Variants in SPTB observed in about 807,000 individuals in gnomAD.
The protein encoded by SPTB is spectrin beta chain, erythrocytic.
In SPTB, 45 loss-of-function variants were observed where a neutral mutation model predicts 256.2. The ratio of observed to expected loss-of-function variants is 0.18; its 90% CI spans 0.14 to 0.23. SPTB has a LOEUF of 0.23. Ranked by LOEUF, SPTB falls within the 10% of genes least tolerant of loss-of-function variation. The pLI is 1.00. For synonymous variants in SPTB, 1,231 were observed against 1,243.1 expected, an observed-to-expected ratio of 0.99 and a Z score of 0.21; for missense variants, 2,715 against 3,040.4, an observed-to-expected ratio of 0.89 and a Z score of 2.52.
chr14:64,782,656 G>C (rs2082492953), intron 19 of SPTB, 103 bp from the exon 20 acceptor site: 2 of 1,534,544 alleles, frequency 1.3e-6, no homozygotes, highest in South Asian at 2.3e-5. Flanking sequence ...AGGTCAGTAA[G>C]GCAAAGAATC....
intron 33 of SPTB, among the ~76,000 whole-genome samples, chr14:64,750,744 T>C (rs2081933476): frequency 6.6e-6 from 1 of 151,222 alleles, no homozygotes. Flanking sequence ...CCACTGCACT[T>C]CAGCCTGGGT....
chr14:64,803,536 T>A, intron 4 of SPTB, 71 bp downstream of exon 4: 1 of 1,591,902 alleles, frequency 6.3e-7, no homozygotes, highest in Non-Finnish European at 8.6e-7. Context: ...CTGTTCAGCA[T>A]TTTATAAGAT....
chr14:64,782,979 T>C (rs1005901521), intron 19 of SPTB, among the ~76,000 whole-genome samples: 1 of 151,468 alleles, frequency 6.6e-6, no homozygotes, highest in Non-Finnish European at 1.5e-5. Context: ...AGCATGGGAG[T>C]TGCAGACAAG....
At position 64,857,353 on chromosome 14, in the gene SPTB, C is replaced by T. The variant is rs561946319; in HGVS notation, c.-52+22439G>A. Among the ~76,000 whole-genome samples, 11 of 152,032 alleles carry T rather than the reference C, an allele frequency of 7.2e-5. No homozygotes were observed. The South Asian group carries it at 1.2e-3, about 17-fold the overall frequency. On this transcript the variant is annotated intron_variant, in intron 1 of 35. Coordinates refer to ENST00000644917, the MANE Select transcript of SPTB (RefSeq NM_001355436.2). The stretch of plus-strand genomic sequence containing the variant: ...ATCCTGACACTTTGGGAGGCCGAGG[C>T]GGGAATATCACTTGAGCCTAGGAGT...
rs1396513659 is a variant in SPTB at position 64,824,606 on chromosome 14, G to A, written c.-51-1461C>T. 6.6e-6 allele frequency among the ~76,000 whole-genome samples: 1 copy of A among 152,168 alleles called. No homozygotes were observed. Among genetic ancestry groups the A allele is most frequent in the Non-Finnish European group, 1.5e-5 (1 of 68,022 alleles). On this transcript the variant is annotated intron_variant, in intron 1 of 35. Transcript: ENST00000644917. The surrounding 1 kb of genome is among the most constrained non-coding windows in gnomAD (Gnocchi z 5.7). ...AAGCGGGAGGCAGGGAGGCTGTGAG[G>A]CAGACCTGTGATGGGGGTTGACAGC... is the stretch of plus-strand genomic sequence containing the variant.
At chr14:64,782,098 A>G (rs111680191) in intron 20 of SPTB, among the ~76,000 whole-genome samples, 192 bp downstream of exon 20, 4,124 of 152,300 alleles carry the variant, frequency 0.027, 202 homozygotes, top group African/African-American at 0.094. Context: ...AGCAGAAAAG[A>G]TAACTATTGG....
In SPTB at chr14:64,778,722, C is replaced by A. The variant is rs1458571745; in HGVS notation, c.4563+435G>T. Among the ~76,000 whole-genome samples, 1 of 152,184 alleles carries A rather than the reference C, an allele frequency of 6.6e-6. No individual in the cohort carries two copies. The highest frequency in any genetic ancestry group is 6.5e-5 in the Admixed American group (1 of 15,274). The stretch of plus-strand genomic sequence containing the variant: ...GTCGAGAGAAATGGGGCCTACTTAC[C>A]CCAAGGACACCACACATGCCAAGCT... On this transcript the variant is annotated intron_variant, in intron 22 of 35. Coordinates refer to ENST00000644917, the MANE Select transcript of SPTB (RefSeq NM_001355436.2). This position sits in a 1 kb window ranked among gnomAD's most constrained non-coding sequence, Gnocchi z 5.2.
intron 3 of SPTB, among the ~76,000 whole-genome samples, chr14:64,804,271 G>A (rs2082942092): frequency 1.3e-5 from 2 of 152,220 alleles, no homozygotes; most frequent in South Asian, 2.1e-4. Flanking sequence ...TTTCAATGCA[G>A]GGTGAGAGGC....
At chr14:64,752,388 A>T in intron 33 of SPTB, 1 of 610,758 alleles carries the variant, frequency 1.6e-6, no homozygotes, top group Non-Finnish European at 2.6e-6. Flanking sequence ...AGAGAGAGAA[A>T]CTGACCCATA....
chr14:64,771,038 G>A lies in SPTB; in HGVS notation c.5645C>T (p.Ser1882Phe). 1 of 1,614,198 alleles carries A rather than the reference G, an allele frequency of 6.2e-7. No homozygotes were observed. The highest frequency in any genetic ancestry group is 8.5e-7 in the Non-Finnish European group (1 of 1,180,052). ...ATCGAGCAGCGCCTGCCACGCGGCA[G>A]ACACCTCCTGCTCCTTGTTCTGGAT... ...EAIQNKEQEV[S>F]AAWQALLDAC... Residue 1882 changes from serine (S) to phenylalanine (F), a missense_variant, in exon 27 of 36, where the codon TCT becomes TTT. This residue lies in a region of SPTB where 2,239 missense variants were observed against 2,384.4 expected (regional missense o/e 0.94). Transcript: ENST00000644917.
intron 33 of SPTB, among the ~76,000 whole-genome samples, chr14:64,751,614 C>G (rs976353554): frequency 2.0e-5 from 3 of 152,072 alleles, no homozygotes; most frequent in Non-Finnish European, 4.4e-5. Flanking sequence ...ACTATTACGT[C>G]TTAAGACCAA....
intron 24 of SPTB, among the ~76,000 whole-genome samples, 176 bp downstream of exon 24, chr14:64,774,221 A>G (rs901764373): frequency 3.3e-5 from 5 of 152,226 alleles, no homozygotes; most frequent in Admixed American, 3.3e-4. Flanking sequence ...TGATTCACAC[A>G]AAACCAAGGC....
intron 2 of SPTB, among the ~76,000 whole-genome samples, chr14:64,818,697 G>A (rs923876714): frequency 5.3e-5 from 8 of 152,214 alleles, no homozygotes; most frequent in East Asian, 1.9e-4. Context: ...TCATCCAGAC[G>A]GCCACAAATG....
intron 27 of SPTB, among the ~76,000 whole-genome samples, chr14:64,770,585 T>C (rs980804447): frequency 6.6e-6 from 1 of 152,040 alleles, no homozygotes; most frequent in Non-Finnish European, 1.5e-5. Context: ...GATATGTGAG[T>C]TGCTTATTTT....
intron 15 of SPTB, among the ~76,000 whole-genome samples, chr14:64,791,467 G>T (rs1170202296): frequency 1.3e-5 from 2 of 149,482 alleles, no homozygotes; most frequent in Non-Finnish European, 3.0e-5. Flanking sequence ...TTGGGAGGCT[G>T]AGGAACAAGA....
Position 64,796,823 on chromosome 14 carries a change from G to T in SPTB, c.1183-108C>A. On this transcript the variant is annotated intron_variant, in intron 10 of 35. Coordinates refer to ENST00000644917, the MANE Select transcript of SPTB (RefSeq NM_001355436.2). This position sits in a 1 kb window ranked among gnomAD's most constrained non-coding sequence, Gnocchi z 4.1. Reference sequence around the variant, plus strand: ...GAGTGATTTCTGGAATCAAGGTACAGCCTGATGCTCTTGGGTGACGTGGTA... The same window carrying T: ...GAGTGATTTCTGGAATCAAGGTACATCCTGATGCTCTTGGGTGACGTGGTA... The T allele has an allele frequency of 1.4e-6, 2 of 1,416,550 alleles. No individual in the cohort carries two copies. Among genetic ancestry groups the T allele is most frequent in the Non-Finnish European group, 2.0e-6 (2 of 1,013,970 alleles). The allele number at this position is 1,416,550 out of a possible 1,614,324, so 87.7% of individuals were successfully genotyped here.
At chr14:64,773,191 C>T (rs777022847) in intron 25 of SPTB, 29 bp downstream of exon 25, 16 of 1,613,854 alleles carry the variant, frequency 9.9e-6, no homozygotes, top group African/African-American at 8.0e-5. Context: ...TAGAGAAAGA[C>T]AAAAACAGCA....
chr14:64,775,311 G>T lies in SPTB; in HGVS notation c.4656C>A (p.Cys1552Ter). 6.2e-7 allele frequency: 1 copy of T among 1,613,164 alleles called. No individual in the cohort carries two copies. The highest frequency in any genetic ancestry group is 8.5e-7 in the Non-Finnish European group (1 of 1,179,714). ...QQLVEAAEID[C>*]QDLEERLGHL... The stretch of plus-strand genomic sequence containing the variant: ...GCCCCAGGCGCTCCTCAAGGTCCTG[G>T]CAGTCGATCTCCGCCGCCTCCACCA... The change falls in exon 23 of 36, where the codon TGC becomes TGA. Residue 1552 changes from cysteine to a stop codon, truncating the protein, a stop_gained. Transcript: ENST00000644917. LOFTEE classifies it high-confidence loss of function. The surrounding 1 kb of genome is among the most constrained non-coding windows in gnomAD (Gnocchi z 5.0).
chr14:64,795,037 G>C lies in SPTB; in HGVS notation c.1644+300C>G, dbSNP rs143848585. ...AATTACTAAGAGCTTGATTCTCCAG[G>C]TTCCTGATTAATGTCTGTCTCTTCA... On this transcript the variant is annotated intron_variant, in intron 12 of 35. Transcript: ENST00000644917. This position sits in a 1 kb window ranked among gnomAD's most constrained non-coding sequence, Gnocchi z 6.5. Among the ~76,000 whole-genome samples the C allele has an allele frequency of 6.0e-3, 908 of 152,316 alleles. 11 individuals carry two copies. Among genetic ancestry groups the C allele is most frequent in the African/African-American group, 0.021 (866 of 41,566 alleles).
Sources: gnomAD v4.1 joint callset for allele counts (sites outside exome capture counted in the v4.1 genomes callset) on GRCh38, gnomAD v4.1.1 for gene constraint, gnomAD v4.1.1 regional missense constraint, Gnocchi (gnomAD v3.1) non-coding constraint, MANE v1.5 for transcripts, NCBI Gene and HGNC (gene_info 2026-07-23, HGNC 2026-07-21) for gene names.